Variants in SDK2 observed in about 807,000 individuals in gnomAD.
The protein encoded by SDK2 is sidekick cell adhesion molecule 2.
SDK2 carries 105 observed loss-of-function variants against 253.9 expected under a neutral mutation model. The observed-to-expected ratio is 0.41, with a 90% CI of 0.35 to 0.49. SDK2 has a LOEUF of 0.49. Among genes scored for constraint, SDK2 ranks in the 20% least tolerant of loss-of-function variants. The pLI is 0.06. For missense variants in SDK2, 2,608 were observed against 3,003.0 expected (o/e 0.87, Z 3.07); for synonymous variants, 1,249 against 1,234.9 (o/e 1.01, Z -0.24).
At position 73,334,615 on chromosome 17, in the gene SDK2, T is replaced by C. The variant is rs1402671298; in HGVS notation, c.*3972A>G. The C allele has an allele frequency of 6.6e-6, 1 of 152,242 alleles. No individual in the cohort carries two copies. Among genetic ancestry groups the C allele is most frequent in the Non-Finnish European group, 1.5e-5 (1 of 68,048 alleles). The allele number at this position is 152,242 out of a possible 1,614,324, so 9.4% of individuals were successfully genotyped here. On this transcript the variant is annotated 3_prime_UTR_variant, in exon 45 of 45. Coordinates refer to ENST00000392650, the MANE Select transcript of SDK2 (RefSeq NM_001144952.2). ...TCTTTTAAATCAAAAAATAAAGATT[T>C]GTGTTGATTTTTGTTTCTGGAGTCT...
At position 73,643,978 on chromosome 17, in the gene SDK2, C is replaced by CCCA; in HGVS notation, c.64+46_64+47insTGG. On this transcript the variant is annotated intron_variant, in intron 1 of 44. Coordinates refer to ENST00000392650, the MANE Select transcript of SDK2 (RefSeq NM_001144952.2). This position sits in a 1 kb window ranked among gnomAD's most constrained non-coding sequence, Gnocchi z 6.9. Reference sequence around the variant, plus strand: ...CAGCTCCCGCCGCCCCTCCCCCGCCCACTCTCCCAGCCCCCTCCCTGTCCC... The same window carrying CCCA: ...CAGCTCCCGCCGCCCCTCCCCCGCCCCCAACTCTCCCAGCCCCCTCCCTGTCCC... 2.8e-5 allele frequency: 34 copies of CCCA among 1,223,422 alleles called. No homozygotes were observed. The highest frequency in any genetic ancestry group is 3.5e-5 in the Non-Finnish European group (30 of 858,352). The allele number at this position is 1,223,422 out of a possible 1,614,324, so 75.8% of individuals were successfully genotyped here.
chr17:73,523,793 G>T (rs574665349), intron 1 of SDK2, among the ~76,000 whole-genome samples: 31 of 151,584 alleles, frequency 2.0e-4, no homozygotes, highest in Non-Finnish European at 4.1e-4. Flanking sequence ...TAACAGGCCA[G>T]CACTGCGCAG....
At chr17:73,436,984 T>C (rs147018224) in intron 8 of SDK2, among the ~76,000 whole-genome samples, 1 of 152,174 alleles carries the variant, frequency 6.6e-6, no homozygotes, top group African/African-American at 2.4e-5. Flanking sequence ...TTTGGTTTAT[T>C]ATGTATCTCC....
At chr17:73,621,693 T>C (rs1261309080) in intron 1 of SDK2, among the ~76,000 whole-genome samples, 1 of 151,978 alleles carries the variant, frequency 6.6e-6, no homozygotes, top group Non-Finnish European at 1.5e-5. Context: ...TGGATGGGCT[T>C]AACCAAAACA....
intron 1 of SDK2, among the ~76,000 whole-genome samples, chr17:73,576,336 C>T (rs2045458470): frequency 6.6e-6 from 1 of 151,562 alleles, no homozygotes; most frequent in African/African-American, 2.4e-5. Context: ...AGGGCATCCC[C>T]AAAAATGGGA....
chr17:73,364,300 G>A (rs935379510), intron 38 of SDK2, among the ~76,000 whole-genome samples: 3 of 152,146 alleles, frequency 2.0e-5, no homozygotes, highest in African/African-American at 7.2e-5. Context: ...CCCAGAAATG[G>A]GCAGGTTCCC....
intron 1 of SDK2, among the ~76,000 whole-genome samples, chr17:73,569,483 G>A (rs1400389378): frequency 6.6e-6 from 1 of 151,864 alleles, no homozygotes; most frequent in Non-Finnish European, 1.5e-5. Context: ...CAGGCGTGAG[G>A]CACCGTGCTG....
At chr17:73,412,623 G>C (rs1407849484) in intron 18 of SDK2, among the ~76,000 whole-genome samples, 1 of 152,084 alleles carries the variant, frequency 6.6e-6, no homozygotes, top group Non-Finnish European at 1.5e-5. Context: ...CCTATAAGAA[G>C]AGGACATTTA....
In SDK2 at chr17:73,401,190, T is replaced by C. The variant is rs766016014; in HGVS notation, c.2801A>G (p.Glu934Gly). The C allele has an allele frequency of 1.6e-5, 25 of 1,553,158 alleles. No individual in the cohort carries two copies. The South Asian group carries it at 2.4e-4, about 15-fold the overall frequency. Residue 934 changes from glutamate to glycine, a missense_variant, in exon 21 of 45, where the codon GAG becomes GGG. Glu to Gly is a moderately conservative substitution (Grantham distance 98). Transcript: ENST00000392650. ...CACACGGGTGTTGGTTCGATTGTAC[T>C]CCTCCCAGGAGATCCGGTACCCTGG... ...ILTGYRISWE[E>G]YNRTNTRVTH...
intron 1 of SDK2, among the ~76,000 whole-genome samples, chr17:73,527,966 C>T (rs533998736): frequency 1.3e-5 from 2 of 151,968 alleles, no homozygotes; most frequent in South Asian, 2.1e-4. Flanking sequence ...ACCAAGAAGA[C>T]CTGTGTTAGA....
intron 1 of SDK2, among the ~76,000 whole-genome samples, chr17:73,529,001 G>C (rs1487252348): frequency 6.6e-6 from 1 of 152,136 alleles, no homozygotes; most frequent in Non-Finnish European, 1.5e-5. Context: ...CTCTCACAAG[G>C]TCTTCTCATT....
At chr17:73,606,505 C>T (rs1327047720) in intron 1 of SDK2, among the ~76,000 whole-genome samples, 1 of 152,200 alleles carries the variant, frequency 6.6e-6, no homozygotes, top group Admixed American at 6.5e-5. Flanking sequence ...GGGTCCTCTC[C>T]TATTTTACCC....
In SDK2 at chr17:73,643,409, G is replaced by A. The variant is rs1017988644; in HGVS notation, c.64+616C>T. On this transcript the variant is annotated intron_variant, in intron 1 of 44. Coordinates refer to ENST00000392650, the MANE Select transcript of SDK2 (RefSeq NM_001144952.2). This position sits in a 1 kb window ranked among gnomAD's most constrained non-coding sequence, Gnocchi z 6.9. ...CTGTGCACCACCCCCCGGTGGGTCCGCGGCTGCACCCGCGACCTTGGCTCC... is the reference window on the plus strand; with the variant it reads ...CTGTGCACCACCCCCCGGTGGGTCCACGGCTGCACCCGCGACCTTGGCTCC... 2.0e-5 allele frequency among the ~76,000 whole-genome samples: 3 copies of A among 152,124 alleles called. No homozygotes were observed. The highest frequency in any genetic ancestry group is 4.4e-5 in the Non-Finnish European group (3 of 68,000).
At chr17:73,527,785 A>G (rs2064137516) in intron 1 of SDK2, among the ~76,000 whole-genome samples, 1 of 152,164 alleles carries the variant, frequency 6.6e-6, no homozygotes, top group East Asian at 1.9e-4. Flanking sequence ...CCAGGGAGAA[A>G]TACCTCCTTT....
At chr17:73,422,579 C>T in intron 14 of SDK2, 145 bp from the exon 15 acceptor site, 1 of 915,010 alleles carries the variant, frequency 1.1e-6, no homozygotes, top group Non-Finnish European at 1.7e-6. Flanking sequence ...GCCCGCCATG[C>T]CATTTTTCTA....
At chr17:73,595,568 G>A (rs1344741686) in intron 1 of SDK2, among the ~76,000 whole-genome samples, 1 of 152,142 alleles carries the variant, frequency 6.6e-6, no homozygotes, top group African/African-American at 2.4e-5. Context: ...AGTGGCACAG[G>A]CTCCCTCCTA....
intron 10 of SDK2, among the ~76,000 whole-genome samples, chr17:73,432,076 C>T (rs1024835420): frequency 3.9e-5 from 6 of 152,020 alleles, no homozygotes; most frequent in Middle Eastern, 3.4e-3. Context: ...GGGCATCCTG[C>T]GGCAGGATGC....
chr17:73,547,622 C>A (rs2044986357), intron 1 of SDK2, among the ~76,000 whole-genome samples: 1 of 152,190 alleles, frequency 6.6e-6, no homozygotes, highest in Non-Finnish European at 1.5e-5. Context: ...GGTAGAGACA[C>A]CATGAAGATG....
intron 20 of SDK2, 85 bp from the exon 21 acceptor site, chr17:73,401,296 AG>A: frequency 2.4e-6 from 3 of 1,274,230 alleles, no homozygotes; most frequent in Non-Finnish European, 3.3e-6. Flanking sequence ...CTTCTCCACT[AG>A]GCTGGCAATT....
Sources: gnomAD v4.1 joint callset for allele counts (sites outside exome capture counted in the v4.1 genomes callset) on GRCh38, gnomAD v4.1.1 for gene constraint, Gnocchi (gnomAD v3.1) non-coding constraint, MANE v1.5 for transcripts, NCBI Gene and HGNC (gene_info 2026-07-23, HGNC 2026-07-21) for gene names.